Variants in PDE1C observed in about 807,000 individuals in gnomAD.
The protein encoded by PDE1C is dual specificity calcium/calmodulin-dependent 3',5'-cyclic nucleotide phosphodiesterase 1C.
PDE1C carries 62 observed loss-of-function variants against 93.1 expected under a neutral mutation model. That is an observed-to-expected ratio of 0.67 (90% confidence interval 0.54 to 0.82). The LOEUF (loss-of-function observed/expected upper bound fraction) is 0.82. PDE1C is among the 40% of genes least tolerant of loss of function. The probability of loss-of-function intolerance (pLI) is 0.00; values close to 1 mark genes in which losing one functional copy is unlikely to be tolerated. For synonymous variants in PDE1C, 325 were observed against 310.1 expected, an observed-to-expected ratio of 1.05 and a Z score of -0.50; for missense variants, 742 against 884.6, an observed-to-expected ratio of 0.84 and a Z score of 2.04.
At chr7:31,903,825 C>T (rs1272971518) in intron 2 of PDE1C, among the ~76,000 whole-genome samples, 1 of 152,048 alleles carries the variant, frequency 6.6e-6, no homozygotes, top group Non-Finnish European at 1.5e-5. Flanking sequence ...TTTACAGCTG[C>T]TCATGAGATG....
intron 3 of PDE1C, among the ~76,000 whole-genome samples, chr7:32,131,300 G>C (rs996485705): frequency 6.6e-6 from 1 of 152,104 alleles, no homozygotes; most frequent in Non-Finnish European, 1.5e-5. Context: ...AGACATTTTT[G>C]AATATCTGAT....
intron 2 of PDE1C, among the ~76,000 whole-genome samples, chr7:31,916,699 A>T (rs1025688505): frequency 6.6e-6 from 1 of 152,202 alleles, no homozygotes; most frequent in African/African-American, 2.4e-5. Flanking sequence ...AGTAAATCAA[A>T]CAAACCGCAT....
chr7:31,730,698 G>A, the PDE1C span, among the ~76,000 whole-genome samples: 71 of 152,192 alleles, frequency 4.7e-4, 1 homozygote, highest in Admixed American at 2.0e-3. Flanking sequence ...GATGAGCCAG[G>A]GAAGACAGTC....
chr7:32,095,137 T>G (rs1316248787), intron 3 of PDE1C, among the ~76,000 whole-genome samples: 1 of 152,202 alleles, frequency 6.6e-6, no homozygotes, highest in East Asian at 1.9e-4. Context: ...ATATAGGAAA[T>G]TTATAATAAA....
intron 16 of PDE1C, among the ~76,000 whole-genome samples, chr7:31,804,072 T>C (rs1786461562): frequency 6.6e-6 from 1 of 151,830 alleles, no homozygotes; most frequent in South Asian, 2.1e-4. Flanking sequence ...GGTAATTTTT[T>C]ATTGGATGCC....
chr7:31,666,984 T>C, the PDE1C span, among the ~76,000 whole-genome samples: 10 of 152,222 alleles, frequency 6.6e-5, no homozygotes, highest in Admixed American at 2.6e-4. Flanking sequence ...GTGCCATTCA[T>C]TGAAACAACA....
chr7:31,882,614 T>A (rs1797390653), intron 2 of PDE1C, among the ~76,000 whole-genome samples: 1 of 152,116 alleles, frequency 6.6e-6, no homozygotes, highest in South Asian at 2.1e-4. Flanking sequence ...GAAAGTAAAA[T>A]TAGACTTTTT....
the PDE1C span, among the ~76,000 whole-genome samples, chr7:31,721,952 C>T: frequency 6.7e-6 from 1 of 149,896 alleles, no homozygotes; most frequent in Non-Finnish European, 1.5e-5. Context: ...GATAATGTCT[C>T]AGAAAAGTAA....
the PDE1C span, among the ~76,000 whole-genome samples, chr7:31,701,750 T>A: frequency 6.6e-6 from 1 of 152,368 alleles, no homozygotes; most frequent in Middle Eastern, 3.4e-3. Context: ...GCCGTCAACA[T>A]TGAGGCAAGC....
chr7:31,823,103 G>T lies in PDE1C; in HGVS notation c.1552C>A (p.Arg518=), dbSNP rs765490533. ...GGTACCTTGGCCCTCCATCTCTCCCGATTGATGTGCACCACTTCCGTCCAA... is the reference window on the plus strand; with the variant it reads ...GGTACCTTGGCCCTCCATCTCTCCCTATTGATGTGCACCACTTCCGTCCAA... ...ATWTEVVHIN[R]ERWRAKVPKE... is the part of the protein sequence containing the mutation. Residue 518 remains arginine, a synonymous_variant, in exon 14 of 18, where the codon CGG becomes AGG. Coordinates refer to ENST00000396191, the MANE Select transcript of PDE1C (RefSeq NM_001191057.4). 10 of 1,612,396 alleles carry T rather than the reference G, an allele frequency of 6.2e-6. No homozygotes were observed. Among genetic ancestry groups the T allele is most frequent in the Non-Finnish European group, 7.6e-6 (9 of 1,179,196 alleles).
the PDE1C span, among the ~76,000 whole-genome samples, chr7:31,620,300 GCCT>G: frequency 6.6e-6 from 1 of 152,102 alleles, no homozygotes; most frequent in Non-Finnish European, 1.5e-5. Flanking sequence ...CGGGCAGACT[GCCT>G]CCTCAAGTGG....
rs568758701 is a variant in PDE1C, at chr7:31,927,433, C to T, written c.129-46573G>A. Among the ~76,000 whole-genome samples, 5 of 152,272 alleles carry T rather than the reference C, an allele frequency of 3.3e-5. No individual in the cohort carries two copies. In the South Asian group the frequency reaches 1.0e-3, roughly 32 times the overall value. On this transcript the variant is annotated intron_variant, in intron 2 of 17. Transcript: ENST00000396191. ...GAGAGCAGTGGATTTACCAGCACAG[C>T]CCTAGAGCTCTGCTAAGGGACAGAC...
At chr7:31,997,036 T>C (rs996623865) in intron 2 of PDE1C, among the ~76,000 whole-genome samples, 3 of 152,162 alleles carry the variant, frequency 2.0e-5, no homozygotes, top group African/African-American at 7.2e-5. Flanking sequence ...CTGGACTGAA[T>C]TTTAGGAAAA....
intron 1 of PDE1C, among the ~76,000 whole-genome samples, chr7:32,348,006 C>A (rs886271953): frequency 5.3e-5 from 8 of 152,184 alleles, no homozygotes; most frequent in Non-Finnish European, 1.0e-4. Context: ...AGCACCCTTA[C>A]CTTTGTCCAA....
At chr7:32,372,824 G>C (rs1784356724) in intron 1 of PDE1C, among the ~76,000 whole-genome samples, 2 of 152,106 alleles carry the variant, frequency 1.3e-5, no homozygotes. Flanking sequence ...TTTCTTCAAA[G>C]AATAAATACA....
chr7:31,728,899 G>A, the PDE1C span, among the ~76,000 whole-genome samples: 2 of 152,190 alleles, frequency 1.3e-5, no homozygotes, highest in African/African-American at 4.8e-5. Context: ...AGTACAAAGA[G>A]GGGTGGAAGT....
chr7:31,919,589 T>G (rs1410515355), intron 2 of PDE1C, among the ~76,000 whole-genome samples: 1 of 152,036 alleles, frequency 6.6e-6, no homozygotes, highest in Non-Finnish European at 1.5e-5. Flanking sequence ...AAACTAGAAC[T>G]TAACCTGTAT....
chr7:32,228,346 T>C (rs1462292823), intron 1 of PDE1C, among the ~76,000 whole-genome samples: 4 of 152,198 alleles, frequency 2.6e-5, no homozygotes, highest in Non-Finnish European at 5.9e-5. Flanking sequence ...GTACCAGGAA[T>C]GCCATTGAAA....
chr7:31,957,408 G>A lies in PDE1C; in HGVS notation c.129-76548C>T, dbSNP rs149196871. 2.0e-5 allele frequency among the ~76,000 whole-genome samples: 3 copies of A among 152,124 alleles called. No individual in the cohort carries two copies. In the East Asian group the frequency reaches 5.8e-4, roughly 29 times the overall value. ...AGTCCTTGAAAACAGCTGCAGATGAGACCCCAGTAGAGTCTGGATTATCTA... is the reference window on the plus strand; with the variant it reads ...AGTCCTTGAAAACAGCTGCAGATGAAACCCCAGTAGAGTCTGGATTATCTA... On this transcript the variant is annotated intron_variant, in intron 2 of 17. Transcript: ENST00000396191.
Sources: gnomAD v4.1 joint callset for allele counts (sites outside exome capture counted in the v4.1 genomes callset) on GRCh38, gnomAD v4.1.1 for gene constraint, MANE v1.5 for transcripts, NCBI Gene and HGNC (gene_info 2026-07-23, HGNC 2026-07-21) for gene names.